The following PLXDC2 variants were observed in gnomAD, a reference collection of about 807,000 sequenced individuals.
The protein encoded by PLXDC2 is plexin domain-containing protein 2.
Under a neutral mutation model 68.9 loss-of-function variants are expected in PLXDC2, and 40 were observed. That is an observed-to-expected ratio of 0.58 (90% confidence interval 0.45 to 0.76). The LOEUF is 0.76. PLXDC2 is among the 30% of genes least tolerant of loss of function. The pLI, the probability that PLXDC2 is intolerant of heterozygous loss-of-function variation, is 0.00. For missense variants in PLXDC2, 644 were observed against 661.9 expected (o/e 0.97, Z 0.30); for synonymous variants, 243 against 234.2 (o/e 1.04, Z -0.34).
intron 1 of PLXDC2, among the ~76,000 whole-genome samples, chr10:19,882,716 G>A (rs1274443438): frequency 6.6e-6 from 1 of 152,148 alleles, no homozygotes; most frequent in Non-Finnish European, 1.5e-5. Context: ...TAGATAAACA[G>A]TAGCATATGT....
In PLXDC2 at chr10:20,198,402, T is replaced by G. The variant is rs184924341; in HGVS notation, c.1062-13267T>G. 5.9e-3 allele frequency among the ~76,000 whole-genome samples: 899 copies of G among 152,310 alleles called. 3 individuals carry two copies. Among genetic ancestry groups the G allele is most frequent in the Middle Eastern group, 0.017 (5 of 294 alleles). On this transcript the variant is annotated intron_variant, in intron 9 of 13. Coordinates refer to ENST00000377252, the MANE Select transcript of PLXDC2 (RefSeq NM_032812.9). ...TCAATATTGACGACTCTTCTATGACTATAGATATAAATTTTGTATATACTA... is the reference window on the plus strand; with the variant it reads ...TCAATATTGACGACTCTTCTATGACGATAGATATAAATTTTGTATATACTA...
intron 4 of PLXDC2, among the ~76,000 whole-genome samples, chr10:20,124,825 A>T (rs1175111958): frequency 8.7e-6 from 1 of 115,542 alleles, no homozygotes; most frequent in Non-Finnish European, 1.8e-5. Context: ...GGCCATTTTC[A>T]CTTCTTTTGT....
intron 9 of PLXDC2, among the ~76,000 whole-genome samples, chr10:20,202,633 G>C (rs180797586): frequency 5.3e-5 from 8 of 152,236 alleles, no homozygotes; most frequent in Non-Finnish European, 8.8e-5. Context: ...AAGTTACACA[G>C]GTAGCAAAGA....
intron 1 of PLXDC2, among the ~76,000 whole-genome samples, chr10:19,935,816 A>G (rs961306529): frequency 2.6e-5 from 4 of 152,232 alleles, no homozygotes; most frequent in African/African-American, 9.6e-5. Context: ...AGTTATAACC[A>G]TGACAACTTT....
chr10:20,195,678 A>T (rs1011147385), intron 9 of PLXDC2, among the ~76,000 whole-genome samples: 1 of 152,158 alleles, frequency 6.6e-6, no homozygotes, highest in African/African-American at 2.4e-5. Flanking sequence ...GTAAACTAAT[A>T]AATTAGGAAA....
At chr10:20,052,632 C>T (rs1835922681) in intron 3 of PLXDC2, among the ~76,000 whole-genome samples, 1 of 148,998 alleles carries the variant, frequency 6.7e-6, no homozygotes, top group South Asian at 2.1e-4. Context: ...TAAATTTAAG[C>T]TCCAAGGGGA....
intron 1 of PLXDC2, among the ~76,000 whole-genome samples, chr10:19,989,078 G>A (rs1415316934): frequency 6.6e-6 from 1 of 152,028 alleles, no homozygotes; most frequent in South Asian, 2.1e-4. Flanking sequence ...GGGATTACAG[G>A]CATGAGCCAC....
intron 1 of PLXDC2, among the ~76,000 whole-genome samples, chr10:19,964,055 C>T (rs767195660): frequency 6.6e-6 from 1 of 152,116 alleles, no homozygotes; most frequent in Non-Finnish European, 1.5e-5. Flanking sequence ...AAAACAGCAT[C>T]ATCGGTTATA....
chr10:20,139,102 C>T (rs1027537350), intron 4 of PLXDC2, among the ~76,000 whole-genome samples: 4 of 152,108 alleles, frequency 2.6e-5, no homozygotes, highest in African/African-American at 7.2e-5. Context: ...CTAAATGACT[C>T]GATGAGGCTT....
At chr10:20,154,566 A>C (rs1834194028) in intron 6 of PLXDC2, among the ~76,000 whole-genome samples, 1 of 151,508 alleles carries the variant, frequency 6.6e-6, no homozygotes, top group African/African-American at 2.4e-5. Flanking sequence ...TCTGTCTCAA[A>C]AAAAAAAAAA....
chr10:20,090,849 A>C (rs1438456849), intron 4 of PLXDC2, among the ~76,000 whole-genome samples: 1 of 152,242 alleles, frequency 6.6e-6, no homozygotes, highest in Non-Finnish European at 1.5e-5. Flanking sequence ...TTTAAAAAGC[A>C]TACTTTTAAA....
At chr10:19,939,510 G>C (rs948240053) in intron 1 of PLXDC2, among the ~76,000 whole-genome samples, 3 of 152,064 alleles carry the variant, frequency 2.0e-5, no homozygotes, top group African/African-American at 7.3e-5. Context: ...CAAAAAAAAA[G>C]AGAACTGTAT....
chr10:19,905,936 G>T (rs1266960786), intron 1 of PLXDC2, among the ~76,000 whole-genome samples: 1 of 151,546 alleles, frequency 6.6e-6, no homozygotes, highest in Non-Finnish European at 1.5e-5. Flanking sequence ...TTACAACAAA[G>T]ATTTACTGTG....
chr10:19,881,831 G>A (rs952204378), intron 1 of PLXDC2, among the ~76,000 whole-genome samples: 1 of 151,992 alleles, frequency 6.6e-6, no homozygotes, highest in Non-Finnish European at 1.5e-5. Flanking sequence ...TAAATGATTG[G>A]GTCATGACAG....
At chr10:19,967,399 A>G (rs1276489841) in intron 1 of PLXDC2, among the ~76,000 whole-genome samples, 1 of 152,188 alleles carries the variant, frequency 6.6e-6, no homozygotes, top group Non-Finnish European at 1.5e-5. Flanking sequence ...GAAAAAGACA[A>G]ATCAAAAGAA....
intron 9 of PLXDC2, among the ~76,000 whole-genome samples, chr10:20,204,322 G>T (rs1320215030): frequency 1.3e-5 from 2 of 151,992 alleles, no homozygotes; most frequent in African/African-American, 4.8e-5. Flanking sequence ...ATATCTTACA[G>T]CTCTATACTA....
In PLXDC2 at chr10:20,176,031, G is replaced by T. The variant is rs556195895; in HGVS notation, c.884-968G>T. On this transcript the variant is annotated intron_variant, in intron 7 of 13. Coordinates refer to ENST00000377252, the MANE Select transcript of PLXDC2 (RefSeq NM_032812.9). Reference sequence around the variant, plus strand: ...TTTAAGTATATTTAAATGTTTTGTTGTGGTTTGATGTTAAAATATGTTTGC... The same window carrying T: ...TTTAAGTATATTTAAATGTTTTGTTTTGGTTTGATGTTAAAATATGTTTGC... Among the ~76,000 whole-genome samples the T allele has an allele frequency of 8.5e-5, 13 of 152,208 alleles. 1 individual carries two copies. The East Asian group carries it at 2.1e-3, about 25-fold the overall frequency.
intron 1 of PLXDC2, among the ~76,000 whole-genome samples, chr10:19,955,562 T>C (rs1222127397): frequency 6.6e-6 from 1 of 152,170 alleles, no homozygotes; most frequent in Non-Finnish European, 1.5e-5. Context: ...AGAGTTTCCT[T>C]ATCTGTAAAT....
rs78440035 is a variant in PLXDC2 at position 19,871,320 on chromosome 10, C to T, written c.112+54129C>T. Among the ~76,000 whole-genome samples, 24 of 152,204 alleles carry T rather than the reference C, an allele frequency of 1.6e-4. No homozygotes were observed. The East Asian group carries it at 3.7e-3, about 23-fold the overall frequency. On this transcript the variant is annotated intron_variant, in intron 1 of 13. Coordinates refer to ENST00000377252, the MANE Select transcript of PLXDC2 (RefSeq NM_032812.9). ...ACATTGTGTTGACTTGGGGACATTC[C>T]GTCATGAACCCTTTAATAATTAGAA...
Sources: gnomAD v4.1 joint callset for allele counts (sites outside exome capture counted in the v4.1 genomes callset) on GRCh38, gnomAD v4.1.1 for gene constraint, MANE v1.5 for transcripts, NCBI Gene and HGNC (gene_info 2026-07-23, HGNC 2026-07-21) for gene names.